Variants in PPARGC1A observed in about 807,000 individuals in gnomAD.
PPARGC1A encodes peroxisome proliferator-activated receptor gamma coactivator 1-alpha.
In PPARGC1A, 25 loss-of-function variants were observed where a neutral mutation model predicts 88.7. That is an observed-to-expected ratio of 0.28 (90% CI 0.21 to 0.39). The LOEUF is 0.39. PPARGC1A is among the 10% of genes least tolerant of loss of function. PPARGC1A has a pLI of 1.00. For synonymous variants in PPARGC1A, 363 were observed against 355.6 expected (o/e 1.02, Z -0.24); for missense variants, 880 against 968.7 (o/e 0.91, Z 1.22).
chr4:24,316,418 T>C, the PPARGC1A span, among the ~76,000 whole-genome samples: 1 of 152,240 alleles, frequency 6.6e-6, no homozygotes, highest in South Asian at 2.1e-4. Flanking sequence ...TAATGAGCTG[T>C]TTGTTATTCG....
the PPARGC1A span, among the ~76,000 whole-genome samples, chr4:23,913,292 AG>A: frequency 1.4e-5 from 2 of 146,042 alleles, no homozygotes; most frequent in Admixed American, 6.9e-5. Flanking sequence ...AGAGAGAGAG[AG>A]AGAGAGAGAG....
the PPARGC1A span, among the ~76,000 whole-genome samples, chr4:24,354,935 G>A: frequency 0.38 from 57,958 of 151,744 alleles, 11,420 homozygotes; most frequent in Non-Finnish European, 0.41. Context: ...CCCTTTTGTC[G>A]TTGGCTTGGA....
the PPARGC1A span, among the ~76,000 whole-genome samples, chr4:23,959,427 C>T: frequency 1.3e-5 from 2 of 152,134 alleles, no homozygotes; most frequent in Non-Finnish European, 1.5e-5. Context: ...CTCCTGAGTG[C>T]AGAAACCTTC....
At chr4:23,873,221 A>AAAAAAAG (rs1297257881) in intron 2 of PPARGC1A, among the ~76,000 whole-genome samples, 13 of 142,416 alleles carry the variant, frequency 9.1e-5, no homozygotes, top group African/African-American at 3.0e-4. Context: ...AAAAAATAAA[A>AAAAAAAG]AATAAAGAAA....
chr4:23,799,540 A>G (rs1718272510), intron 12 of PPARGC1A, among the ~76,000 whole-genome samples: 1 of 152,326 alleles, frequency 6.6e-6, no homozygotes, highest in Non-Finnish European at 1.5e-5. Flanking sequence ...AGACTATACA[A>G]TGATGGAGCT....
intron 7 of PPARGC1A, 31 bp from the exon 8 acceptor site, chr4:23,814,636 AGAGAG>A: frequency 1.1e-5 from 13 of 1,205,318 alleles, no homozygotes; most frequent in African/African-American, 3.6e-5. Flanking sequence ...AAAAAAAAAA[AGAGAG>A]AGAAAGAAAA....
the PPARGC1A span, among the ~76,000 whole-genome samples, chr4:24,197,189 AAGG>A: frequency 2.5e-3 from 383 of 152,352 alleles, 2 homozygotes; most frequent in African/African-American, 8.5e-3. Flanking sequence ...AGGGGGGATC[AAGG>A]AGGACAGTGA....
the PPARGC1A span, among the ~76,000 whole-genome samples, chr4:24,305,201 T>C: frequency 1.3e-5 from 2 of 149,486 alleles, no homozygotes; most frequent in Non-Finnish European, 3.0e-5. Context: ...ACTCCCAAAG[T>C]CGTGGTTTTT....
At chr4:23,959,016 C>CAA in the PPARGC1A span, among the ~76,000 whole-genome samples, 1 of 31,454 alleles carries the variant, frequency 3.2e-5, no homozygotes, top group African/African-American at 6.0e-5. Flanking sequence ...ATTTACCAAA[C>CAA]CAAAAAAAAA....
upstream of PPARGC1A, among the ~76,000 whole-genome samples, chr4:23,892,915 C>A (rs988776169): frequency 2.0e-5 from 3 of 152,154 alleles, no homozygotes; most frequent in Admixed American, 6.6e-5. Context: ...CACCCAGATT[C>A]CTCTTCTACT....
At chr4:24,115,038 A>G in the PPARGC1A span, among the ~76,000 whole-genome samples, 151,909 of 152,286 alleles carry the variant, frequency 1, 75,766 homozygotes, top group East Asian at 1. Flanking sequence ...AAAATAAAGC[A>G]TTCCCGGTAA....
chr4:24,402,276 C>T, the PPARGC1A span, among the ~76,000 whole-genome samples: 47,197 of 152,090 alleles, frequency 0.31, 8,262 homozygotes, highest in Admixed American at 0.41. Context: ...GACTCTGCAG[C>T]GGCTGCTACA....
the PPARGC1A span, among the ~76,000 whole-genome samples, chr4:23,928,945 G>A: frequency 6.6e-6 from 1 of 152,010 alleles, no homozygotes; most frequent in Admixed American, 6.6e-5. Flanking sequence ...TGGACACAGG[G>A]AGGGGAACAA....
the PPARGC1A span, among the ~76,000 whole-genome samples, chr4:24,117,659 C>T: frequency 0.022 from 3,282 of 151,692 alleles, 118 homozygotes; most frequent in African/African-American, 0.07. Context: ...GGAAAGATCG[C>T]TGCCCCTTCC....
chr4:23,953,493 G>A, the PPARGC1A span, among the ~76,000 whole-genome samples: 1 of 152,094 alleles, frequency 6.6e-6, no homozygotes, highest in Non-Finnish European at 1.5e-5. Flanking sequence ...GCAGGTATTT[G>A]AGTCAGATAT....
the PPARGC1A span, among the ~76,000 whole-genome samples, chr4:24,333,931 CAACAACAACAAAAA>C: frequency 1.4e-5 from 1 of 70,964 alleles, no homozygotes; most frequent in African/African-American, 5.8e-5. Flanking sequence ...AAGACTCCAA[CAACAACAACAAAAA>C]AAAAAAAAAA....
the PPARGC1A span, among the ~76,000 whole-genome samples, chr4:24,171,190 T>C: frequency 2.0e-5 from 3 of 152,108 alleles, no homozygotes; most frequent in Non-Finnish European, 4.4e-5. Flanking sequence ...GACCGGCGGA[T>C]CGGTCAAGGG....
the PPARGC1A span, among the ~76,000 whole-genome samples, chr4:24,034,564 C>T: frequency 6.6e-6 from 1 of 152,018 alleles, no homozygotes; most frequent in Non-Finnish European, 1.5e-5. Context: ...TTTGAATTAG[C>T]TTCAATGTAA....
intron 10 of PPARGC1A, among the ~76,000 whole-genome samples, chr4:23,811,889 C>CTTTTTTTTTT (rs71196134): frequency 1.7e-5 from 1 of 59,040 alleles, no homozygotes; most frequent in Non-Finnish European, 3.2e-5. Flanking sequence ...GAAGAAATGA[C>CTTTTTTTTTT]TTTTTTTTTT....
Sources: allele counts gnomAD v4.1 joint callset (sites outside exome capture counted in the v4.1 genomes callset), GRCh38; gene constraint gnomAD v4.1.1; transcripts MANE v1.5; gene names NCBI Gene and HGNC (gene_info 2026-07-23, HGNC 2026-07-21).